Variants in CDK5RAP2 observed in about 807,000 individuals in gnomAD.
CDK5RAP2 encodes CDK5 regulatory subunit-associated protein 2.
Under a neutral mutation model 232.9 loss-of-function variants are expected in CDK5RAP2, and 147 were observed. The observed-to-expected ratio is 0.63, with a 90% CI of 0.55 to 0.72. CDK5RAP2 has a LOEUF of 0.72. CDK5RAP2 is among the 30% of genes least tolerant of loss of function. The pLI, the probability that CDK5RAP2 is intolerant of heterozygous loss-of-function variation, is 0.00. For synonymous variants in CDK5RAP2, 833 were observed against 833.7 expected (o/e 1.00, Z 0.01); for missense variants, 2,195 against 2,231.5 (o/e 0.98, Z 0.33).
chr9:120,409,374 T>A (rs2033703548), intron 29 of CDK5RAP2, 58 bp from the exon 30 acceptor site: 1 of 1,238,832 alleles, frequency 8.1e-7, no homozygotes, highest in African/African-American at 1.5e-5. Context: ...TCCAACCTTA[T>A]TATATAAATA....
chr9:120,475,913 C>T (rs998390830), intron 15 of CDK5RAP2, among the ~76,000 whole-genome samples: 11 of 152,140 alleles, frequency 7.2e-5, no homozygotes, highest in South Asian at 4.1e-4. Flanking sequence ...CAGGCACAGA[C>T]GGCTACAGAA....
chr9:120,456,369 G>A (rs577273914), intron 20 of CDK5RAP2, among the ~76,000 whole-genome samples: 18 of 152,242 alleles, frequency 1.2e-4, no homozygotes, highest in South Asian at 4.2e-4. Flanking sequence ...AACATACTCC[G>A]AACTTCCCTC....
chr9:120,563,980 A>C (rs1382331468), intron 3 of CDK5RAP2, among the ~76,000 whole-genome samples: 1 of 152,216 alleles, frequency 6.6e-6, no homozygotes, highest in East Asian at 1.9e-4. Context: ...ACAAAAGATA[A>C]GGAGACCAGG....
At chr9:120,550,236 T>C (rs1171514034) in intron 4 of CDK5RAP2, among the ~76,000 whole-genome samples, 1 of 152,178 alleles carries the variant, frequency 6.6e-6, no homozygotes, top group African/African-American at 2.4e-5. Flanking sequence ...CACACAGGAA[T>C]ACCGAAGAGT....
At chr9:120,542,258 C>A (rs2041663529) in intron 5 of CDK5RAP2, among the ~76,000 whole-genome samples, 1 of 152,188 alleles carries the variant, frequency 6.6e-6, no homozygotes, top group African/African-American at 2.4e-5. Flanking sequence ...AATCCCAGCA[C>A]TTTGGGAGGC....
chr9:120,418,413 C>T (rs984481904), intron 27 of CDK5RAP2, among the ~76,000 whole-genome samples: 2 of 152,182 alleles, frequency 1.3e-5, no homozygotes, highest in South Asian at 2.1e-4. Context: ...CAAGAGTTCC[C>T]GTTTAAATAA....
At chr9:120,549,511 G>GGTTT (rs1246220231) in intron 4 of CDK5RAP2, among the ~76,000 whole-genome samples, 2 of 152,152 alleles carry the variant, frequency 1.3e-5, no homozygotes, top group Non-Finnish European at 2.9e-5. Flanking sequence ...TGGAAGACCT[G>GGTTT]GGCTCAAAAT....
chr9:120,535,427 A>G (rs1464537945), intron 7 of CDK5RAP2, among the ~76,000 whole-genome samples: 1 of 152,262 alleles, frequency 6.6e-6, no homozygotes, highest in Non-Finnish European at 1.5e-5. Context: ...TAAACAACAC[A>G]GTAGTGCTAG....
intron 20 of CDK5RAP2, among the ~76,000 whole-genome samples, chr9:120,454,226 T>C (rs1425032970): frequency 6.6e-6 from 1 of 152,228 alleles, no homozygotes; most frequent in African/African-American, 2.4e-5. Flanking sequence ...GGGTCCTCCC[T>C]GACTCTACCC....
chr9:120,522,750 A>C (rs1424386811), intron 11 of CDK5RAP2, among the ~76,000 whole-genome samples: 4 of 152,238 alleles, frequency 2.6e-5, no homozygotes, highest in Non-Finnish European at 5.9e-5. Context: ...TCACTTCAAG[A>C]GTTTAAATAT....
intron 30 of CDK5RAP2, among the ~76,000 whole-genome samples, chr9:120,408,711 C>T (rs955982318): frequency 2.6e-5 from 4 of 152,234 alleles, no homozygotes; most frequent in East Asian, 3.9e-4. Flanking sequence ...CTCTGCAGCC[C>T]GATGTGATTT....
chr9:120,516,002 A>C (rs1045627890), intron 12 of CDK5RAP2, among the ~76,000 whole-genome samples: 4 of 152,174 alleles, frequency 2.6e-5, no homozygotes, highest in Non-Finnish European at 2.9e-5. Context: ...TTGACCCAGC[A>C]ATCCCATTAC....
rs1024099731 is a variant in CDK5RAP2 at position 120,509,966 on chromosome 9, C to CATAT, written c.1311+8457_1311+8460dup. ...CACCTAATACACACACACACACACA[C>CATAT]ATATATATACATTTTTTTTTAGGGC... On this transcript the variant is annotated intron_variant, in intron 12 of 37. Transcript: ENST00000349780. Among the ~76,000 whole-genome samples the CATAT allele has an allele frequency of 7.2e-5, 11 of 151,990 alleles. No homozygotes were observed. In the East Asian group the frequency reaches 2.1e-3, roughly 29 times the overall value.
At chr9:120,546,436 C>T (rs1207447038) in intron 4 of CDK5RAP2, among the ~76,000 whole-genome samples, 1 of 152,096 alleles carries the variant, frequency 6.6e-6, no homozygotes, top group Non-Finnish European at 1.5e-5. Context: ...TTATAACTCA[C>T]GTGAGAATCC....
At chr9:120,479,807 T>C (rs956549049) in intron 14 of CDK5RAP2, among the ~76,000 whole-genome samples, 1 of 152,152 alleles carries the variant, frequency 6.6e-6, no homozygotes, top group Non-Finnish European at 1.5e-5. Flanking sequence ...ACAAAGGGTG[T>C]TATTGAGACA....
intron 12 of CDK5RAP2, among the ~76,000 whole-genome samples, chr9:120,496,602 G>A (rs1452090346): frequency 1.1e-3 from 163 of 145,870 alleles, no homozygotes; most frequent in African/African-American, 4.3e-3. Flanking sequence ...CCGTCCGGGA[G>A]GTGAGGGGCG....
chr9:120,543,725 G>A (rs774819601), intron 5 of CDK5RAP2, among the ~76,000 whole-genome samples: 1 of 152,130 alleles, frequency 6.6e-6, no homozygotes, highest in Non-Finnish European at 1.5e-5. Flanking sequence ...GAGCATGGCG[G>A]CACATGCCTG....
chr9:120,552,956 T>C (rs2042099833), intron 3 of CDK5RAP2, among the ~76,000 whole-genome samples: 1 of 152,108 alleles, frequency 6.6e-6, no homozygotes, highest in South Asian at 2.1e-4. Flanking sequence ...TGAATCTAGA[T>C]GAATATACAT....
intron 1 of CDK5RAP2, among the ~76,000 whole-genome samples, chr9:120,576,400 T>C (rs780007073): frequency 6.6e-6 from 1 of 152,188 alleles, no homozygotes; most frequent in East Asian, 1.9e-4. Flanking sequence ...GCCATTAACA[T>C]GTAATCAATA....
Sources: gnomAD v4.1 joint callset for allele counts (sites outside exome capture counted in the v4.1 genomes callset) on GRCh38, gnomAD v4.1.1 for gene constraint, MANE v1.5 for transcripts, NCBI Gene and HGNC (gene_info 2026-07-23, HGNC 2026-07-21) for gene names.